DNAH10: variants seen among roughly 807,000 people sequenced by gnomAD.
DNAH10 encodes dynein axonemal heavy chain 10, also known as axonemal beta dynein heavy chain 10.
Under a neutral mutation model 506.6 loss-of-function variants are expected in DNAH10, and 348 were observed. That is an observed-to-expected ratio of 0.69 (90% CI 0.63 to 0.75). The LOEUF (loss-of-function observed/expected upper bound fraction) is 0.75, where lower values mean the gene tolerates loss of function less well. DNAH10 is among the 30% of genes least tolerant of loss of function. The pLI, the probability that DNAH10 is intolerant of heterozygous loss-of-function variation, is 0.00. For missense variants in DNAH10, 5,179 were observed against 5,787.1 expected, an observed-to-expected ratio of 0.89 and a Z score of 3.41; for synonymous variants, 2,059 against 2,198.6, an observed-to-expected ratio of 0.94 and a Z score of 1.78.
chr12:123,883,446 T>G (rs886259217), intron 51 of DNAH10, among the ~76,000 whole-genome samples: 1 of 152,202 alleles, frequency 6.6e-6, no homozygotes, highest in African/African-American at 2.4e-5. Context: ...TGCATTGAGA[T>G]GTAATTTGAA....
chr12:123,932,071 T>G lies in DNAH10; in HGVS notation c.13259T>G (p.Val4420Gly). Residue 4420 changes from valine to glycine, a missense_variant, in exon 76 of 79, where the codon GTC becomes GGC. Val to Gly is a moderately radical substitution (Grantham distance 109, BLOSUM62 -3). Coordinates refer to ENST00000673944, the MANE Select transcript of DNAH10 (RefSeq NM_001372106.1). ...DTLKSLGNWM[V>G]YFLRRFSQYM... ...TTAAAGTCCCTTGGAAACTGGATGG[T>G]CTACTTCCTGCGGCGGTTCAGCCAG... The G allele has an allele frequency of 6.2e-7, 1 of 1,613,958 alleles. No individual in the cohort carries two copies.
Position 123,930,547 on chromosome 12 carries a change from T to C in DNAH10, c.12758T>C (p.Val4253Ala), listed in dbSNP as rs1169802230. Residue 4253 changes from valine to alanine, a missense_variant, in exon 73 of 79, where the codon GTT becomes GCT. Val to Ala is a moderately conservative substitution (Grantham distance 64). This residue lies in a region of DNAH10 where 4,844 missense variants were observed against 5,430.5 expected (regional missense o/e 0.89). Coordinates refer to ENST00000673944, the MANE Select transcript of DNAH10 (RefSeq NM_001372106.1). ...RNKEVDYKIPVGDEKEKFVEA... is the reference protein window; with the variant it reads ...RNKEVDYKIPAGDEKEKFVEA... ...AAGGAAGTGGACTACAAAATCCCTG[T>C]TGGTGATGAAAAGGAGAAATTTGTT... The C allele has an allele frequency of 6.2e-7, 1 of 1,604,084 alleles. No individual in the cohort carries two copies. Among genetic ancestry groups the C allele is most frequent in the Non-Finnish European group, 8.5e-7 (1 of 1,177,544 alleles).
chr12:123,889,267 A>G (rs1952872812), intron 52 of DNAH10, among the ~76,000 whole-genome samples: 1 of 152,198 alleles, frequency 6.6e-6, no homozygotes, highest in African/African-American at 2.4e-5. Flanking sequence ...AGTTTTGTTT[A>G]GTGTTTTCTT....
intron 45 of DNAH10, among the ~76,000 whole-genome samples, chr12:123,872,198 A>G (rs1952062101): frequency 1.3e-5 from 2 of 152,102 alleles, no homozygotes; most frequent in South Asian, 4.2e-4. Context: ...CCAGCCAGCT[A>G]TGTGTCCAAT....
At chr12:123,922,712 T>C (rs932191073) in intron 65 of DNAH10, among the ~76,000 whole-genome samples, 3 of 152,212 alleles carry the variant, frequency 2.0e-5, no homozygotes, top group African/African-American at 7.2e-5. Flanking sequence ...TGTAGGAGGC[T>C]GTCTTCCTGC....
Position 123,830,425 on chromosome 12 carries a change from T to C in DNAH10, c.4392-121T>C, listed in dbSNP as rs530129985. 4 of 1,126,724 alleles carry C rather than the reference T, an allele frequency of 3.6e-6. No homozygotes were observed. The South Asian group carries it at 6.7e-5, about 19-fold the overall frequency. The allele number at this position is 1,126,724 out of a possible 1,614,324, so 69.8% of individuals were successfully genotyped here. A position where few individuals can be genotyped will look rare whatever the true frequency, so the allele number is the denominator to read the frequency against. Reference sequence around the variant, plus strand: ...ATATATTTCTAATGATGTCCTCATGTTGCAGAATTTCATTATAAGAAGTTT... The same window carrying C: ...ATATATTTCTAATGATGTCCTCATGCTGCAGAATTTCATTATAAGAAGTTT... On this transcript the variant is annotated intron_variant, in intron 25 of 78. Transcript: ENST00000673944.
In DNAH10 at chr12:123,896,189, A is replaced by AGG. The variant is rs1566064425; in HGVS notation, c.9280+1467_9280+1468insGG. ...GAGAGAGAGAGAGAGAGAGAGAGAG[A>AGG]GAGAGAATATATTCCCTGGAATTGA... On this transcript the variant is annotated intron_variant, in intron 54 of 78. Transcript: ENST00000673944. Among the ~76,000 whole-genome samples, 24 of 149,080 alleles carry AGG rather than the reference A, an allele frequency of 1.6e-4. No homozygotes were observed. The East Asian group carries it at 3.9e-3, about 24-fold the overall frequency.
chr12:123,858,947 G>A (rs1010410083), intron 37 of DNAH10, among the ~76,000 whole-genome samples: 2 of 152,102 alleles, frequency 1.3e-5, no homozygotes, highest in Admixed American at 1.3e-4. Flanking sequence ...GGAGAGATGG[G>A]TACAGGGTTT....
chr12:123,912,252 G>T (rs1213284704), intron 59 of DNAH10, among the ~76,000 whole-genome samples: 2 of 26,360 alleles, frequency 7.6e-5, no homozygotes, highest in Non-Finnish European at 1.4e-4. Flanking sequence ...CTGTCCTGGG[G>T]CGGTCTGTCC....
chr12:123,801,236 T>C, intron 15 of DNAH10, 45 bp from the exon 16 acceptor site: 1 of 1,590,236 alleles, frequency 6.3e-7, no homozygotes, highest in South Asian at 1.1e-5. Flanking sequence ...TTTGATGAGC[T>C]TAAAGGTGCT....
intron 30 of DNAH10, among the ~76,000 whole-genome samples, chr12:123,843,738 C>T (rs1361614934): frequency 2.6e-5 from 4 of 152,284 alleles, no homozygotes; most frequent in African/African-American, 7.2e-5. Flanking sequence ...TCACCACACC[C>T]GGCTAACTTT....
chr12:123,781,227 ATACGGGATGAATT>A lies in DNAH10; in HGVS notation c.771_783del (p.Arg258Ter). ...AGTAGAATATCACAGTATTCAATTA[ATACGGGATGAATT>A]TTTAATGAACGTGCAGAAATTTGCA... On this transcript the variant is annotated frameshift_variant, in exon 6 of 79. Transcript: ENST00000673944. LOFTEE classifies it high-confidence loss of function. 1.9e-6 allele frequency: 3 copies of A among 1,614,058 alleles called. No homozygotes were observed. The highest frequency in any genetic ancestry group is 2.5e-6 in the Non-Finnish European group (3 of 1,179,984).
chr12:123,850,913 A>G lies in DNAH10; in HGVS notation c.6128A>G (p.Asp2043Gly), dbSNP rs749450519. ...TTTGAAGGGCAGGAGATTTCCCTGGACTCCCGCATGGGCATCTTCATCACC... is the reference window on the plus strand; with the variant it reads ...TTTGAAGGGCAGGAGATTTCCCTGGGCTCCCGCATGGGCATCTTCATCACC... ...FQFEGQEISL[D>G]SRMGIFITMN... Residue 2043 changes from aspartate (D) to glycine (G), a missense_variant, in exon 35 of 79, where the codon GAC becomes GGC. Asp to Gly is a moderately conservative substitution (Grantham distance 94). Coordinates refer to ENST00000673944, the MANE Select transcript of DNAH10 (RefSeq NM_001372106.1). This position sits in a 1 kb window ranked among gnomAD's most constrained non-coding sequence, Gnocchi z 5.5. The G allele has an allele frequency of 2.5e-6, 4 of 1,611,878 alleles. No homozygotes were observed. The East Asian group carries it at 6.7e-5, about 27-fold the overall frequency.
At position 123,930,458 on chromosome 12, in the gene DNAH10, C is replaced by T. The variant is rs1165451323; in HGVS notation, c.12669C>T (p.Tyr4223=). Residue 4223 remains tyrosine, a synonymous_variant, in exon 73 of 79, where the codon TAC becomes TAT. Coordinates refer to ENST00000673944, the MANE Select transcript of DNAH10 (RefSeq NM_001372106.1). ...TTGATCGCCGCATCCTGACCATCTACATGGATGAGTACCTGGGGGACTTCA... is the reference window on the plus strand; with the variant it reads ...TTGATCGCCGCATCCTGACCATCTATATGGATGAGTACCTGGGGGACTTCA... ...DSFDRRILTI[Y]MDEYLGDFIF... 2 of 1,606,664 alleles carry T rather than the reference C, an allele frequency of 1.2e-6. No individual in the cohort carries two copies. The highest frequency in any genetic ancestry group is 1.7e-6 in the Non-Finnish European group (2 of 1,177,538).
chr12:123,775,706 G>A (rs972202958), intron 5 of DNAH10, among the ~76,000 whole-genome samples: 13 of 152,270 alleles, frequency 8.5e-5, no homozygotes, highest in Admixed American at 2.6e-4. Flanking sequence ...GGGAACAACA[G>A]GATCTGGTTT....
At chr12:123,934,996 C>T in intron 78 of DNAH10, 1 of 632,680 alleles carries the variant, frequency 1.6e-6, no homozygotes, top group Non-Finnish European at 2.7e-6. Flanking sequence ...CAGGCTCAAG[C>T]TGTGATCCTG....
In DNAH10 at chr12:123,902,794, C is replaced by T. The variant is rs1953584464; in HGVS notation, c.9641-145C>T. The stretch of plus-strand genomic sequence containing the variant: ...GAGGTTTTCTGTCCCACCAGGATCA[C>T]TGAGGCTGCCACATTGGCCAGAGCC... On this transcript the variant is annotated intron_variant, in intron 56 of 78. Coordinates refer to ENST00000673944, the MANE Select transcript of DNAH10 (RefSeq NM_001372106.1). The surrounding 1 kb of genome is among the most constrained non-coding windows in gnomAD (Gnocchi z 4.5). The T allele has an allele frequency of 9.4e-7, 1 of 1,066,334 alleles. No individual in the cohort carries two copies. Among genetic ancestry groups the T allele is most frequent in the African/African-American group, 1.6e-5 (1 of 62,030 alleles). 66.1% of individuals were successfully genotyped at this position (1,066,334 alleles called of 1,614,324 possible).
intron 38 of DNAH10, 84 bp from the exon 39 acceptor site, chr12:123,860,928 C>G: frequency 6.3e-7 from 1 of 1,585,282 alleles, no homozygotes; most frequent in Non-Finnish European, 8.6e-7. Context: ...GTCAAAACAT[C>G]TAATTCCTCA....
intron 3 of DNAH10, among the ~76,000 whole-genome samples, chr12:123,771,986 A>G (rs1957269963): frequency 6.6e-6 from 1 of 152,222 alleles, no homozygotes. Flanking sequence ...AAATAGGCAC[A>G]AGCTTCCATC....
Sources: gnomAD v4.1 joint callset for allele counts (sites outside exome capture counted in the v4.1 genomes callset) on GRCh38, gnomAD v4.1.1 for gene constraint, gnomAD v4.1.1 regional missense constraint, Gnocchi (gnomAD v3.1) non-coding constraint, MANE v1.5 for transcripts, NCBI Gene and HGNC (gene_info 2026-07-23, HGNC 2026-07-21) for gene names.